The following NAMPT variants were observed in gnomAD, a reference collection of about 807,000 sequenced individuals.
The protein encoded by NAMPT is NAmPRTase.
A neutral mutation model predicts 58.7 loss-of-function variants in NAMPT; 7 were observed. The ratio of observed to expected loss-of-function variants is 0.12; its 90% CI spans 0.07 to 0.22. The LOEUF (loss-of-function observed/expected upper bound fraction) is 0.22, where lower values mean the gene tolerates loss of function less well. NAMPT is among the 10% of genes least tolerant of loss of function. The pLI, the probability that NAMPT is intolerant of heterozygous loss-of-function variation, is 1.00. For missense variants in NAMPT, 271 were observed against 567.9 expected (o/e 0.48, Z 5.31); for synonymous variants, 145 against 198.1 (o/e 0.73, Z 2.25).
intron 6 of NAMPT, among the ~76,000 whole-genome samples, chr7:106,264,261 ATACT>A (rs1562814755): frequency 6.6e-6 from 1 of 152,120 alleles, no homozygotes; most frequent in Non-Finnish European, 1.5e-5. Flanking sequence ...AAGAATTCAA[ATACT>A]TAGTTTAAGC....
chr7:106,258,342 C>T (rs1792245392), intron 8 of NAMPT, among the ~76,000 whole-genome samples: 1 of 152,210 alleles, frequency 6.6e-6, no homozygotes, highest in Admixed American at 6.5e-5. Flanking sequence ...AATTTGGGTA[C>T]TGACCTTACT....
chr7:106,278,769 A>G (rs1264548669), intron 1 of NAMPT, among the ~76,000 whole-genome samples: 1 of 152,238 alleles, frequency 6.6e-6, no homozygotes, highest in Admixed American at 6.5e-5. Context: ...TTACAATGTA[A>G]ATAACTCCAA....
At chr7:106,269,023 T>C (rs1792479827) in intron 5 of NAMPT, 131 bp downstream of exon 5, 1 of 791,740 alleles carries the variant, frequency 1.3e-6, no homozygotes, top group African/African-American at 1.8e-5. Context: ...AGGTACTGAA[T>C]ATGTATCTGT....
At chr7:106,273,689 G>A (rs1333980804) in intron 3 of NAMPT, among the ~76,000 whole-genome samples, 4 of 152,078 alleles carry the variant, frequency 2.6e-5, no homozygotes, top group Non-Finnish European at 5.9e-5. Flanking sequence ...AATAAGCATA[G>A]TACCTAACTT....
chr7:106,271,280 C>A (rs1792528379), intron 4 of NAMPT, among the ~76,000 whole-genome samples: 1 of 152,176 alleles, frequency 6.6e-6, no homozygotes, highest in Non-Finnish European at 1.5e-5. Flanking sequence ...TCTAAGAACA[C>A]TGTGCCATTT....
rs1471429989 is a variant in NAMPT at position 106,249,527 on chromosome 7, TC to T, written c.*1555del. 4 of 152,212 alleles carry T rather than the reference TC, an allele frequency of 2.6e-5. No individual in the cohort carries two copies. Among genetic ancestry groups the T allele is most frequent in the African/African-American group, 7.2e-5 (3 of 41,424 alleles). The allele number at this position is 152,212 out of a possible 1,614,324, so 9.4% of individuals were successfully genotyped here. ...ATTCCGTATCAATTATTTAGCCTCCTCCCTTCCCTAGAAACCAACATTTCCT... is the reference window on the plus strand; with the variant it reads ...ATTCCGTATCAATTATTTAGCCTCCTCCTTCCCTAGAAACCAACATTTCCT... On this transcript the variant is annotated 3_prime_UTR_variant, in exon 11 of 11. Coordinates refer to ENST00000222553, the MANE Select transcript of NAMPT (RefSeq NM_005746.3).
chr7:106,275,226 T>C, intron 2 of NAMPT, 177 bp from the exon 3 acceptor site: 1 of 415,354 alleles, frequency 2.4e-6, no homozygotes, highest in Non-Finnish European at 4.3e-6. Context: ...TTTGTACTTT[T>C]AATAACTCAA....
intron 6 of NAMPT, among the ~76,000 whole-genome samples, chr7:106,267,623 CGA>C (rs1396874756): frequency 2.0e-5 from 3 of 151,634 alleles, no homozygotes; most frequent in Non-Finnish European, 4.4e-5. Context: ...AGGCGGATCA[CGA>C]GGTCAGGAGA....
chr7:106,285,013 G>T (rs576827743), upstream of NAMPT: 4 of 1,430,224 alleles, frequency 2.8e-6, no homozygotes, highest in Middle Eastern at 2.4e-4. Context: ...GGGAGAGGGG[G>T]AAACGGAGAG....
At chr7:106,253,344 A>G in intron 9 of NAMPT, 193 bp from the exon 10 acceptor site, 2 of 557,552 alleles carry the variant, frequency 3.6e-6, no homozygotes, top group Non-Finnish European at 6.3e-6. Flanking sequence ...GTCGTTTGTA[A>G]TAAAGAAAAA....
chr7:106,284,943 G>A lies in NAMPT; in HGVS notation c.-59C>T. The A allele has an allele frequency of 1.3e-6, 2 of 1,551,596 alleles. No individual in the cohort carries two copies. The highest frequency in any genetic ancestry group is 4.8e-5 in the East Asian group (2 of 41,500). On this transcript the variant is annotated 5_prime_UTR_variant, in exon 1 of 11. Coordinates refer to ENST00000222553, the MANE Select transcript of NAMPT (RefSeq NM_005746.3). Reference sequence around the variant, plus strand: ...GCTCCCTGGCGCGGCTGCGAGGAAGGAGAAAAATGAGCTTCACCGCGCTCC... The same window carrying A: ...GCTCCCTGGCGCGGCTGCGAGGAAGAAGAAAAATGAGCTTCACCGCGCTCC...
At chr7:106,252,387 A>T (rs770707930) in intron 10 of NAMPT, among the ~76,000 whole-genome samples, 3 of 152,136 alleles carry the variant, frequency 2.0e-5, no homozygotes, top group Admixed American at 6.5e-5. Flanking sequence ...AATAAATGTA[A>T]AAGTAACATG....
At chr7:106,265,583 A>G (rs1197965395) in intron 6 of NAMPT, among the ~76,000 whole-genome samples, 1 of 151,666 alleles carries the variant, frequency 6.6e-6, no homozygotes, top group Non-Finnish European at 1.5e-5. Context: ...AAAAAAAAAA[A>G]AAAAAGTCCC....
At position 106,250,753 on chromosome 7, in the gene NAMPT, A is replaced by G. The variant is rs1177652200; in HGVS notation, c.*330T>C. On this transcript the variant is annotated 3_prime_UTR_variant, in exon 11 of 11. Transcript: ENST00000222553. ...AATATAAACATAAAGCAATCATGGTAATTTTATGCAAATCTGTTTTATGTG... is the reference window on the plus strand; with the variant it reads ...AATATAAACATAAAGCAATCATGGTGATTTTATGCAAATCTGTTTTATGTG... The G allele has an allele frequency of 9.5e-6, 2 of 210,968 alleles. No homozygotes were observed. The highest frequency in any genetic ancestry group is 2.3e-5 in the African/African-American group (1 of 43,192). 13.1% of individuals were successfully genotyped at this position (210,968 alleles called of 1,614,324 possible).
intron 1 of NAMPT, among the ~76,000 whole-genome samples, chr7:106,278,021 A>C (rs894895605): frequency 2.8e-4 from 42 of 152,250 alleles, no homozygotes; most frequent in African/African-American, 9.9e-4. Flanking sequence ...TTTCAAGAGT[A>C]GGAATAACAG....
intron 8 of NAMPT, 147 bp downstream of exon 8, chr7:106,261,441 C>A: frequency 1.6e-6 from 1 of 636,342 alleles, no homozygotes; most frequent in Non-Finnish European, 2.5e-6. Context: ...ACTATTATTT[C>A]TAAACTTTAA....
chr7:106,265,309 G>A (rs1792389286), intron 6 of NAMPT, among the ~76,000 whole-genome samples: 1 of 152,044 alleles, frequency 6.6e-6, no homozygotes, highest in Non-Finnish European at 1.5e-5. Flanking sequence ...CTTGTATCAT[G>A]TCTAGCAAAC....
Position 106,269,283 on chromosome 7 carries a change from G to A in NAMPT, c.477C>T (p.Ile159=), listed in dbSNP as rs532196415. The A allele has an allele frequency of 3.7e-5, 60 of 1,613,332 alleles. No individual in the cohort carries two copies. In the Middle Eastern group the frequency reaches 5.0e-4, roughly 13 times the overall value. ...ETILVQSWYP[I]TVATNSREQK... is the part of the protein sequence containing the mutation. ...GCTCTCTAGAATTTGTGGCCACTGT[G>A]ATTGGATACCAGGACTGAACAAGAA... The change falls in exon 5 of 11, where the codon ATC becomes ATT. Residue 159 remains isoleucine (I), a synonymous_variant. Transcript: ENST00000222553.
At chr7:106,285,233 T>A, upstream of NAMPT, 4 of 984,390 alleles carry the variant, frequency 4.1e-6, no homozygotes, top group East Asian at 6.0e-5. Context: ...GAGGAGGACG[T>A]GATGCACGCG....
Sources: gnomAD v4.1 joint callset for allele counts (sites outside exome capture counted in the v4.1 genomes callset) on GRCh38, gnomAD v4.1.1 for gene constraint, MANE v1.5 for transcripts, NCBI Gene and HGNC (gene_info 2026-07-23, HGNC 2026-07-21) for gene names.